The following MYH3 variants were observed in gnomAD, a reference collection of about 807,000 sequenced individuals.
MYH3 encodes myosin-3.
In MYH3, 130 loss-of-function variants were observed where a neutral mutation model predicts 238.0. The observed-to-expected ratio is 0.55, with a 90% CI of 0.47 to 0.63. MYH3 has a LOEUF of 0.63. Among genes scored for constraint, MYH3 ranks in the 30% least tolerant of loss-of-function variants. The probability of loss-of-function intolerance (pLI) is 0.00; values close to 1 mark genes in which losing one functional copy is unlikely to be tolerated. For missense variants in MYH3, 1,853 were observed against 2,374.9 expected (o/e 0.78, Z 4.57); for synonymous variants, 880 against 924.1 (o/e 0.95, Z 0.86).
Position 10,637,920 on chromosome 17 carries a change from T to C in MYH3, c.3745A>G (p.Ile1249Val). The change falls in exon 28 of 41, where the codon ATC becomes GTC. Residue 1249 changes from isoleucine to valine, a missense_variant. Around this residue, in one of 3 missense-constraint regions of MYH3, gnomAD observed 1,044 missense variants for 1,192.6 expected, o/e 0.88. Coordinates refer to ENST00000583535, the MANE Select transcript of MYH3 (RefSeq NM_002470.4). The stretch of plus-strand genomic sequence containing the variant: ...AACTGATCCTCCAGGGTTCGGCAGA[T>C]TTTTTCCAGATTTGCCTGAAGGATT... ...VSKSKANLEK[I>V]CRTLEDQLSE... 2 of 1,614,092 alleles carry C rather than the reference T, an allele frequency of 1.2e-6. No homozygotes were observed. Among genetic ancestry groups the C allele is most frequent in the South Asian group, 1.1e-5 (1 of 91,074 alleles).
chr17:10,633,934 T>C (rs1162822081), intron 32 of MYH3, 83 bp downstream of exon 32: 8 of 1,557,844 alleles, frequency 5.1e-6, no homozygotes, highest in South Asian at 1.1e-5. Flanking sequence ...GGAAACTGAG[T>C]GATGAAGCCA....
intron 22 of MYH3, 74 bp downstream of exon 22, chr17:10,639,922 A>G (rs957694533): frequency 1.9e-6 from 3 of 1,590,266 alleles, no homozygotes; most frequent in Non-Finnish European, 2.6e-6. Context: ...ATCCCCACCA[A>G]TAACTCAATT....
rs993663872 is a variant in MYH3, at chr17:10,637,955, G to A, written c.3730-20C>T. ...ATTTGCCTGAAGGATTCAGAAAGGG[G>A]AGCAAAGTCAGTCAGCAAAGTCAGG... On this transcript the variant is annotated intron_variant, in intron 27 of 40. Coordinates refer to ENST00000583535, the MANE Select transcript of MYH3 (RefSeq NM_002470.4). The A allele has an allele frequency of 1.2e-6, 2 of 1,614,162 alleles. No individual in the cohort carries two copies. Among genetic ancestry groups the A allele is most frequent in the East Asian group, 4.5e-5 (2 of 44,872 alleles).
chr17:10,635,900 C>T (rs984842291), intron 28 of MYH3, 47 bp from the exon 29 acceptor site: 1 of 1,496,686 alleles, frequency 6.7e-7, no homozygotes, highest in Non-Finnish European at 9.3e-7. Flanking sequence ...CACTCATTCA[C>T]TCACCAACTT....
chr17:10,647,407 T>TG lies in MYH3; in HGVS notation c.754dup (p.His252ProfsTer14). On this transcript the variant is annotated frameshift_variant, in exon 9 of 41. Transcript: ENST00000583535. LOFTEE classifies it high-confidence loss of function. Reference sequence around the variant, plus strand: ...GGCCAGCTTCCCAGTGGTTCCAAAATGGATTCGGATGAACTTGCCCTGTAT... The same window carrying TG: ...GGCCAGCTTCCCAGTGGTTCCAAAATGGGATTCGGATGAACTTGCCCTGTAT... 6.2e-7 allele frequency: 1 copy of TG among 1,614,246 alleles called. No individual in the cohort carries two copies. Among genetic ancestry groups the TG allele is most frequent in the South Asian group, 1.1e-5 (1 of 91,088 alleles).
chr17:10,670,495 A>G, the MYH3 span, among the ~76,000 whole-genome samples: 6 of 151,956 alleles, frequency 3.9e-5, no homozygotes, highest in East Asian at 1.2e-3. This position sits in a 1 kb window ranked among gnomAD's most constrained non-coding sequence, Gnocchi z 7.0. Context: ...CTTGTTTGAG[A>G]TGGGGGTCTC....
upstream of MYH3, among the ~76,000 whole-genome samples, chr17:10,660,269 C>T (rs2074470887): frequency 6.6e-6 from 1 of 152,240 alleles, no homozygotes; most frequent in South Asian, 2.1e-4. Flanking sequence ...TCTTCTCTAC[C>T]TGCAGATTAT....
chr17:10,638,829 G>T (rs749461055), intron 26 of MYH3, 44 bp downstream of exon 26: 2 of 1,584,194 alleles, frequency 1.3e-6, no homozygotes, highest in South Asian at 1.1e-5. Flanking sequence ...CCAGCTCACT[G>T]TAAGTGGCCT....
chr17:10,670,145 T>C, the MYH3 span, among the ~76,000 whole-genome samples: 25 of 152,276 alleles, frequency 1.6e-4, no homozygotes, highest in East Asian at 4.3e-3. The surrounding 1 kb of genome is among the most constrained non-coding windows in gnomAD (Gnocchi z 7.0). Flanking sequence ...CTTCATAGGC[T>C]TGAGTTCCGA....
the MYH3 span, chr17:10,674,678 T>C: frequency 6.6e-6 from 1 of 152,482 alleles, no homozygotes; most frequent in Non-Finnish European, 1.5e-5. Flanking sequence ...CGTCTGACAT[T>C]GTGATGGCGA....
rs2074404897 is a variant in MYH3, at chr17:10,654,148, TTTC to T, written c.204+710_204+712del. Among the ~76,000 whole-genome samples, 3 of 78,090 alleles carry T rather than the reference TTTC, an allele frequency of 3.8e-5. No homozygotes were observed. The highest frequency in any genetic ancestry group is 1.0e-4 in the African/African-American group (3 of 29,258). 51.2% of individuals were successfully genotyped at this position (78,090 alleles called of 152,430 possible). On this transcript the variant is annotated intron_variant, in intron 3 of 40. Transcript: ENST00000583535. This position sits in a 1 kb window ranked among gnomAD's most constrained non-coding sequence, Gnocchi z 4.5. ...TTGTCTCTTTTATTTTCTTTCTTTCTTTCTCTTTCTTTCTTTCCTTCCTTCCTT... is the reference window on the plus strand; with the variant it reads ...TTGTCTCTTTTATTTTCTTTCTTTCTTCTTTCTTTCTTTCCTTCCTTCCTT...
rs367838235 is a variant in MYH3, at chr17:10,654,151, CTCTT to C, written c.204+706_204+709del. ...TCTCTTTTATTTTCTTTCTTTCTTT[CTCTT>C]TCTTTCTTTCCTTCCTTCCTTGCTT... On this transcript the variant is annotated intron_variant, in intron 3 of 40. Coordinates refer to ENST00000583535, the MANE Select transcript of MYH3 (RefSeq NM_002470.4). This position sits in a 1 kb window ranked among gnomAD's most constrained non-coding sequence, Gnocchi z 4.5. 0.04 allele frequency among the ~76,000 whole-genome samples: 5,950 copies of C among 148,802 alleles called. 185 individuals carry two copies. The highest frequency in any genetic ancestry group is 0.092 in the African/African-American group (3,725 of 40,484).
Position 10,638,515 on chromosome 17 carries a change from C to T in MYH3, c.3340-83G>A, listed in dbSNP as rs550585655. Reference sequence around the variant, plus strand: ...GCCAAGAACAGGCTGGTTTCCCTTCCCATTAGACAAACTGAGTCTTAGACT... The same window carrying T: ...GCCAAGAACAGGCTGGTTTCCCTTCTCATTAGACAAACTGAGTCTTAGACT... On this transcript the variant is annotated intron_variant, in intron 26 of 40. Transcript: ENST00000583535. 3.8e-5 allele frequency: 60 copies of T among 1,562,394 alleles called. No homozygotes were observed. The African/African-American group carries it at 7.6e-4, about 20-fold the overall frequency.
Position 10,642,964 on chromosome 17 carries a change from G to A in MYH3, c.1443C>T (p.Phe481=). ...AAAACTGTTGCAGTTTCTCATTGGTGAAGTTGATGCACAGCTGCTCCAGGC... is the reference window on the plus strand; with the variant it reads ...AAAACTGTTGCAGTTTCTCATTGGTAAAGTTGATGCACAGCTGCTCCAGGC... ...YNSLEQLCIN[F]TNEKLQQFFN... The change falls in exon 15 of 41, where the codon TTC becomes TTT. Residue 481 remains phenylalanine, a synonymous_variant. Coordinates refer to ENST00000583535, the MANE Select transcript of MYH3 (RefSeq NM_002470.4). The surrounding 1 kb of genome is among the most constrained non-coding windows in gnomAD (Gnocchi z 5.4). 6.2e-7 allele frequency: 1 copy of A among 1,614,198 alleles called. No homozygotes were observed.
At chr17:10,650,251 C>T in intron 6 of MYH3, 123 bp downstream of exon 6, 1 of 917,450 alleles carries the variant, frequency 1.1e-6, no homozygotes, top group Non-Finnish European at 1.7e-6. Flanking sequence ...GCTGGGATTA[C>T]AGGTGTCAGC....
At chr17:10,629,377 G>A (rs1021397276) in intron 40 of MYH3, among the ~76,000 whole-genome samples, 1 of 152,106 alleles carries the variant, frequency 6.6e-6, no homozygotes, top group Non-Finnish European at 1.5e-5. Flanking sequence ...TTTTATGGCT[G>A]CATAGTATTC....
rs2074374275 is a variant in MYH3, at chr17:10,651,512, C to T, written c.505G>A (p.Asp169Asn). 1.2e-6 allele frequency: 2 copies of T among 1,613,414 alleles called. No individual in the cohort carries two copies. The highest frequency in any genetic ancestry group is 1.7e-6 in the Non-Finnish European group (2 of 1,179,746). The change falls in exon 5 of 41, where the codon GAT becomes AAT. Residue 169 changes from aspartate (D) to asparagine (N), a missense_variant and splice_region_variant. Around this residue, in one of 3 missense-constraint regions of MYH3, gnomAD observed 678 missense variants for 1,058.9 expected, o/e 0.64. Coordinates refer to ENST00000583535, the MANE Select transcript of MYH3 (RefSeq NM_002470.4). ...SDNAYQFMLT[D>N]RENQSILITG... is the part of the protein sequence containing the mutation. ...CCATGCTTCCTCCTGGGAAACTCAC[C>T]AGTCAGCATGAACTGATAGGCGTTG...
rs781696530 is a variant in MYH3 at position 10,630,431 on chromosome 17, T to C, written c.5314A>G (p.Lys1772Glu). 3.7e-6 allele frequency: 6 copies of C among 1,614,176 alleles called. No homozygotes were observed. The highest frequency in any genetic ancestry group is 5.1e-6 in the Non-Finnish European group (6 of 1,180,040). ...DAAMMAEELK[K>E]EQDTSAHLER... ...AGGTGGGCGCTGGTGTCCTGCTCCT[T>C]CTTCAGCTCCTCCGCCATCATGGCA... The change falls in exon 37 of 41, where the codon AAG becomes GAG. Residue 1772 changes from lysine (K) to glutamate (E), a missense_variant. Around this residue, in one of 3 missense-constraint regions of MYH3, gnomAD observed 1,044 missense variants for 1,192.6 expected, o/e 0.88. Coordinates refer to ENST00000583535, the MANE Select transcript of MYH3 (RefSeq NM_002470.4).
the MYH3 span, among the ~76,000 whole-genome samples, chr17:10,664,801 GAGA>G: frequency 6.6e-6 from 1 of 152,148 alleles, no homozygotes; most frequent in African/African-American, 2.4e-5. Context: ...GATTGAAGCC[GAGA>G]AGAATGATTT....
Sources: allele counts gnomAD v4.1 joint callset (sites outside exome capture counted in the v4.1 genomes callset), GRCh38; gene constraint gnomAD v4.1.1; regional missense constraint gnomAD v4.1.1; non-coding constraint Gnocchi (gnomAD v3.1); transcripts MANE v1.5; gene names NCBI Gene and HGNC (gene_info 2026-07-23, HGNC 2026-07-21).